The following OLR1 variants were observed in gnomAD, a reference collection of about 807,000 sequenced individuals.
The protein encoded by OLR1 is oxidized low-density lipoprotein receptor 1.
In OLR1, 23 loss-of-function variants were observed where a neutral mutation model predicts 31.7. The ratio of observed to expected loss-of-function variants is 0.72; its 90% CI spans 0.52 to 1.03. OLR1 has a LOEUF of 1.03. Among genes scored for constraint, OLR1 ranks in the 50% least tolerant of loss-of-function variants. The pLI, the probability that OLR1 is intolerant of heterozygous loss-of-function variation, is 0.00. For missense variants in OLR1, 286 were observed against 315.7 expected (o/e 0.91, Z 0.71); for synonymous variants, 117 against 115.8 (o/e 1.01, Z -0.07).
chr12:10,166,610 A>G (rs1384030744), intron 3 of OLR1, 102 bp downstream of exon 3: 4 of 1,205,184 alleles, frequency 3.3e-6, no homozygotes, highest in Non-Finnish European at 4.8e-6. Flanking sequence ...AATGATATGC[A>G]TAACAATAGA....
intron 2 of OLR1, among the ~76,000 whole-genome samples, chr12:10,168,083 T>C (rs1948677324): frequency 6.6e-6 from 1 of 152,124 alleles, no homozygotes; most frequent in Non-Finnish European, 1.5e-5. Context: ...AGGAAGCAAA[T>C]AGCACTTCAA....
intron 2 of OLR1, among the ~76,000 whole-genome samples, chr12:10,167,856 A>G (rs35775301): frequency 2.3e-3 from 343 of 152,202 alleles, no homozygotes; most frequent in African/African-American, 7.6e-3. Context: ...ATAACATGTT[A>G]AGGGTCAAAT....
intron 3 of OLR1, among the ~76,000 whole-genome samples, chr12:10,163,499 A>G (rs538986406): frequency 6.6e-6 from 1 of 151,958 alleles, no homozygotes; most frequent in African/African-American, 2.4e-5. Context: ...ACCTCTCAGC[A>G]TCTCTCCCTC....
Position 10,158,522 on chromosome 12 carries a change from T to C in OLR1, c.*1358A>G, listed in dbSNP as rs1429180943. ...AGCCAGACAAAAAAAAAAGACATAC[T>C]ATATGATTCCATTCACATAAAACTA... On this transcript the variant is annotated 3_prime_UTR_variant, in exon 6 of 6. Coordinates refer to ENST00000309539, the MANE Select transcript of OLR1 (RefSeq NM_002543.4). 6.6e-6 allele frequency: 1 copy of C among 152,090 alleles called. No homozygotes were observed. The highest frequency in any genetic ancestry group is 2.4e-5 in the African/African-American group (1 of 41,410). The allele number at this position is 152,090 out of a possible 1,614,324, so 9.4% of individuals were successfully genotyped here.
chr12:10,165,939 G>A (rs190463081), intron 3 of OLR1, among the ~76,000 whole-genome samples: 12 of 152,088 alleles, frequency 7.9e-5, no homozygotes, highest in Admixed American at 5.2e-4. Flanking sequence ...TGCCGGGTGC[G>A]GTGGCTCACA....
chr12:10,170,182 G>T (rs1297544290), intron 1 of OLR1: 1 of 152,188 alleles, frequency 6.6e-6, no homozygotes. Context: ...AATGTATAAT[G>T]ATCCAGTCAA....
chr12:10,172,166 T>C (rs148029759), upstream of OLR1: 2 of 823,526 alleles, frequency 2.4e-6, no homozygotes, highest in East Asian at 5.0e-5. Flanking sequence ...AGTATTTAAA[T>C]AGCTACTGTT....
At chr12:10,167,202 G>A in intron 2 of OLR1, 1 of 370,496 alleles carries the variant, frequency 2.7e-6, no homozygotes, top group Non-Finnish European at 5.0e-6. Context: ...TTTTGGCCAG[G>A]CACGGTGGCT....
intron 3 of OLR1, among the ~76,000 whole-genome samples, chr12:10,163,804 G>A (rs141145623): frequency 0.013 from 1,934 of 152,038 alleles, 46 homozygotes; most frequent in African/African-American, 0.044. Flanking sequence ...GGTGGCAGGC[G>A]CCTGTAATCC....
At chr12:10,162,985 ATAAACAGAGTAAGTGATATTTGTGTTTGT>A in intron 3 of OLR1, among the ~76,000 whole-genome samples, 1 of 152,232 alleles carries the variant, frequency 6.6e-6, no homozygotes, top group Middle Eastern at 3.4e-3. Flanking sequence ...GTACACAAAA[ATAAACAGAGTAAGTGATATTTGTGTTTGT>A]TAAATTATAT....
intron 4 of OLR1, 135 bp from the exon 5 acceptor site, chr12:10,160,597 C>T: frequency 2.0e-6 from 2 of 983,474 alleles, no homozygotes; most frequent in Non-Finnish European, 3.1e-6. Context: ...TTTACGGAAA[C>T]ACTTACTGAA....
At chr12:10,169,801 A>G (rs1420782316) in intron 1 of OLR1, among the ~76,000 whole-genome samples, 1 of 152,248 alleles carries the variant, frequency 6.6e-6, no homozygotes, top group Non-Finnish European at 1.5e-5. Flanking sequence ...AGCTTATATT[A>G]ACAGCATATC....
chr12:10,173,385 A>T (rs1948739665), upstream of OLR1, among the ~76,000 whole-genome samples: 1 of 152,224 alleles, frequency 6.6e-6, no homozygotes, highest in Non-Finnish European at 1.5e-5. Context: ...GGAAACTATT[A>T]GGAAAAATTA....
intron 2 of OLR1, among the ~76,000 whole-genome samples, chr12:10,168,196 T>C (rs1948678158): frequency 6.6e-6 from 1 of 152,242 alleles, no homozygotes; most frequent in Non-Finnish European, 1.5e-5. Context: ...TCTTTCCTTC[T>C]TGGCCACTCT....
chr12:10,169,776 C>A (rs991502610), intron 1 of OLR1, among the ~76,000 whole-genome samples: 2 of 152,018 alleles, frequency 1.3e-5, no homozygotes, highest in South Asian at 2.1e-4. Flanking sequence ...AGGGATGAAA[C>A]CTTGATATTA....
Position 10,169,137 on chromosome 12 carries a change from C to T in OLR1, c.115G>A (p.Ala39Thr). The T allele has an allele frequency of 6.2e-7, 1 of 1,613,970 alleles. No homozygotes were observed. Among genetic ancestry groups the T allele is most frequent in the Non-Finnish European group, 8.5e-7 (1 of 1,179,950 alleles). ...FLYSPWWCLA[A>T]ATLGVLCLGL... ...AGGCAAAGGACCCCTAGAGTCGCAG[C>T]AGCCAGGCACCACCATGGAGAGTAA... The change falls in exon 2 of 6, where the codon GCT (alanine) becomes ACT (threonine). Residue 39 changes from alanine (A) to threonine (T), a missense_variant. Ala to Thr is a moderately conservative substitution (Grantham distance 58, BLOSUM62 0). Transcript: ENST00000309539.
upstream of OLR1, among the ~76,000 whole-genome samples, chr12:10,172,838 C>T (rs1306459615): frequency 6.6e-6 from 1 of 152,114 alleles, no homozygotes; most frequent in Non-Finnish European, 1.5e-5. Flanking sequence ...TATAGGAATT[C>T]AAATGACATG....
At chr12:10,165,749 C>G (rs2010655) in intron 3 of OLR1, among the ~76,000 whole-genome samples, 1 of 150,786 alleles carries the variant, frequency 6.6e-6, no homozygotes, top group Non-Finnish European at 1.5e-5. Flanking sequence ...TGTGACACAG[C>G]GAGACTGTCT....
chr12:10,166,586 C>T, intron 3 of OLR1, 126 bp downstream of exon 3: 1 of 890,320 alleles, frequency 1.1e-6, no homozygotes. Context: ...TTGTATAGAA[C>T]ATTATGAATG....
Sources: allele counts gnomAD v4.1 joint callset (sites outside exome capture counted in the v4.1 genomes callset), GRCh38; gene constraint gnomAD v4.1.1; transcripts MANE v1.5; gene names NCBI Gene and HGNC (gene_info 2026-07-23, HGNC 2026-07-21).